Variants in NTM observed in about 807,000 individuals in gnomAD.
The protein encoded by NTM is neurotrimin.
A neutral mutation model predicts 42.1 loss-of-function variants in NTM; 13 were observed. The observed-to-expected ratio is 0.31, with a 90% confidence interval of 0.20 to 0.49. The LOEUF (loss-of-function observed/expected upper bound fraction) is 0.49, where lower values mean the gene tolerates loss of function less well. Ranked by LOEUF, NTM falls within the 20% of genes least tolerant of loss-of-function variation. NTM has a pLI of 0.99. For synonymous variants in NTM, 187 were observed against 179.2 expected, an observed-to-expected ratio of 1.04 and a Z score of -0.35; for missense variants, 373 against 452.8, an observed-to-expected ratio of 0.82 and a Z score of 1.60.
intron 6 of NTM, among the ~76,000 whole-genome samples, chr11:132,314,107 CAAATTCCTCAGGTGGCTCTTCT>C (rs1472148692): frequency 6.7e-6 from 1 of 149,668 alleles, no homozygotes; most frequent in Non-Finnish European, 1.5e-5. Flanking sequence ...ATTTTTCTTT[CAAATTCCTCAGGTGGCTCTTCT>C]CTCAGAAGTT....
At chr11:131,796,026 G>C (rs1203913842) in intron 1 of NTM, 2 of 985,300 alleles carry the variant, frequency 2.0e-6, no homozygotes, top group Admixed American at 1.2e-4. Flanking sequence ...TCAGCTGCCA[G>C]CCAGCATGTG....
At chr11:132,047,986 A>G (rs2135877619) in intron 2 of NTM, among the ~76,000 whole-genome samples, 1 of 151,858 alleles carries the variant, frequency 6.6e-6, no homozygotes, top group East Asian at 1.9e-4. Context: ...TTCACTTGTA[A>G]TTAGTTCCTA....
chr11:132,244,660 CT>C (rs1189875355), intron 4 of NTM, among the ~76,000 whole-genome samples: 3 of 152,198 alleles, frequency 2.0e-5, no homozygotes, highest in Admixed American at 1.3e-4. Context: ...CACATGTCTT[CT>C]GATCAAAACC....
At chr11:132,257,751 C>G (rs2092591214) in intron 4 of NTM, among the ~76,000 whole-genome samples, 1 of 152,178 alleles carries the variant, frequency 6.6e-6, no homozygotes, top group African/African-American at 2.4e-5. Context: ...TGCGATCATC[C>G]AATTTATGTG....
intron 1 of NTM, among the ~76,000 whole-genome samples, chr11:131,760,148 G>A (rs1421585761): frequency 6.6e-6 from 1 of 152,212 alleles, no homozygotes; most frequent in Non-Finnish European, 1.5e-5. Context: ...AATTCAGCAA[G>A]GAGTTATGAG....
chr11:131,718,476 A>C (rs537575629), intron 1 of NTM, among the ~76,000 whole-genome samples: 1 of 152,324 alleles, frequency 6.6e-6, no homozygotes, highest in Admixed American at 6.5e-5. Flanking sequence ...ATGCGTACCC[A>C]ATTCAATGCC....
chr11:132,241,705 G>A (rs1049669766), intron 4 of NTM, among the ~76,000 whole-genome samples: 2 of 152,196 alleles, frequency 1.3e-5, no homozygotes, highest in Non-Finnish European at 2.9e-5. Context: ...TGATATAGAT[G>A]TAAAACTTCT....
At chr11:131,627,786 G>T (rs1352788961) in intron 1 of NTM, among the ~76,000 whole-genome samples, 1 of 152,100 alleles carries the variant, frequency 6.6e-6, no homozygotes, top group Non-Finnish European at 1.5e-5. Context: ...AGCTATGATT[G>T]TACCACTGCA....
chr11:131,918,927 G>A (rs2056821724), intron 2 of NTM, among the ~76,000 whole-genome samples: 1 of 152,126 alleles, frequency 6.6e-6, no homozygotes, highest in Non-Finnish European at 1.5e-5. Flanking sequence ...TTTGGCTTTA[G>A]GTATCAGCAA....
chr11:132,005,348 T>C (rs1359962405), intron 2 of NTM, among the ~76,000 whole-genome samples: 2 of 152,328 alleles, frequency 1.3e-5, no homozygotes, highest in African/African-American at 4.8e-5. Flanking sequence ...TTTCTGAGTC[T>C]CAGTTTCCTT....
At chr11:132,227,101 G>A (rs573046668) in intron 4 of NTM, among the ~76,000 whole-genome samples, 60 of 152,324 alleles carry the variant, frequency 3.9e-4, no homozygotes, top group Non-Finnish European at 5.7e-4. Context: ...CATGCAGCGT[G>A]AAGGCAGACA....
chr11:131,634,051 C>A (rs887666435), intron 1 of NTM, among the ~76,000 whole-genome samples: 2 of 152,018 alleles, frequency 1.3e-5, no homozygotes, highest in Non-Finnish European at 2.9e-5. Flanking sequence ...GAACCAAAAC[C>A]CCCTTGTGAG....
At chr11:132,156,527 A>ATC (rs1156868495) in intron 3 of NTM, among the ~76,000 whole-genome samples, 1 of 152,164 alleles carries the variant, frequency 6.6e-6, no homozygotes, top group Non-Finnish European at 1.5e-5. Context: ...TGTCTGTGTG[A>ATC]TTGGTTGATT....
intron 1 of NTM, among the ~76,000 whole-genome samples, chr11:131,543,464 G>A (rs569638604): frequency 6.6e-6 from 1 of 152,334 alleles, no homozygotes; most frequent in East Asian, 1.9e-4. Context: ...AAGGGCAACA[G>A]GACACTGATC....
chr11:132,200,463 AT>A (rs1426207915), intron 3 of NTM, among the ~76,000 whole-genome samples: 8 of 152,174 alleles, frequency 5.3e-5, no homozygotes, highest in African/African-American at 1.9e-4. Context: ...CTCTGGAATT[AT>A]TTGCACTTTA....
At chr11:132,207,971 G>C (rs538107896) in intron 3 of NTM, among the ~76,000 whole-genome samples, 1 of 152,306 alleles carries the variant, frequency 6.6e-6, no homozygotes, top group East Asian at 1.9e-4. Flanking sequence ...TGAGGAAAAG[G>C]ATGGTATCTT....
chr11:131,395,398 C>T (rs1367326510), intron 1 of NTM, among the ~76,000 whole-genome samples: 2 of 152,116 alleles, frequency 1.3e-5, no homozygotes, highest in Non-Finnish European at 2.9e-5. Flanking sequence ...ATCTCATTCC[C>T]TCTGCTCTCA....
Position 132,282,976 on chromosome 11 carries a change from C to CTTTTTTTTTTTTTTTTTTTTTTTTTT in NTM, c.527-24688_527-24687insTTTTTTTTTTTTTTTTTTTTTTTTTT, listed in dbSNP as rs142817071. 6.8e-4 allele frequency among the ~76,000 whole-genome samples: 74 copies of CTTTTTTTTTTTTTTTTTTTTTTTTTT among 108,984 alleles called. 4 individuals are homozygous for CTTTTTTTTTTTTTTTTTTTTTTTTTT. Among genetic ancestry groups the CTTTTTTTTTTTTTTTTTTTTTTTTTT allele is most frequent in the Middle Eastern group, 0.01 (2 of 196 alleles). The allele number at this position is 108,984 out of a possible 152,430, so 71.5% of individuals were successfully genotyped here. A position where few individuals can be genotyped will look rare whatever the true frequency, so the allele number is the denominator to read the frequency against. On this transcript the variant is annotated intron_variant, in intron 4 of 8. Transcript: ENST00000683400. ...AATGAAACGGGAAATTCCTTTATTCCTTTTTTTTTTTTTTTTTTTTTTTTT... is the reference window on the plus strand; with the variant it reads ...AATGAAACGGGAAATTCCTTTATTCCTTTTTTTTTTTTTTTTTTTTTTTTTTTTTTTTTTTTTTTTTTTTTTTTTTT...
At chr11:132,184,620 C>G (rs2078110426) in intron 3 of NTM, among the ~76,000 whole-genome samples, 1 of 152,140 alleles carries the variant, frequency 6.6e-6, no homozygotes. Flanking sequence ...TGGCTCTTCC[C>G]TCAATGGTTC....
Sources: allele counts gnomAD v4.1 joint callset (sites outside exome capture counted in the v4.1 genomes callset), GRCh38; gene constraint gnomAD v4.1.1; transcripts MANE v1.5; gene names NCBI Gene and HGNC (gene_info 2026-07-23, HGNC 2026-07-21).